RSRC1: variants seen among roughly 807,000 people sequenced by gnomAD.
The protein encoded by RSRC1 is arginine and serine rich coiled-coil 1.
RSRC1 carries 39 observed loss-of-function variants against 49.1 expected under a neutral mutation model. That is an observed-to-expected ratio of 0.79 (90% CI 0.61 to 1.04). RSRC1 has a LOEUF of 1.04. Among genes scored for constraint, RSRC1 ranks in the 50% least tolerant of loss-of-function variants. The pLI, the probability that RSRC1 is intolerant of heterozygous loss-of-function variation, is 0.00. For missense variants in RSRC1, 388 were observed against 402.4 expected (o/e 0.96, Z 0.31); for synonymous variants, 143 against 130.8 (o/e 1.09, Z -0.63).
rs747934949 is a variant in RSRC1 at position 158,460,994 on chromosome 3, A to G, written c.643A>G (p.Lys215Glu). 37 of 1,600,136 alleles carry G rather than the reference A, an allele frequency of 2.3e-5. No individual in the cohort carries two copies. The highest frequency in any genetic ancestry group is 3.2e-5 in the Non-Finnish European group (37 of 1,171,148). The change falls in exon 7 of 10, where the codon AAG becomes GAG. Residue 215 changes from lysine (K) to glutamate (E), a missense_variant. Transcript: ENST00000611884. ...AAATGAGGAAGAAGCAAAGAGAAGAAAGGAGGAAGGTAAAGGCATGTGTTC... is the reference window on the plus strand; with the variant it reads ...AAATGAGGAAGAAGCAAAGAGAAGAGAGGAGGAAGGTAAAGGCATGTGTTC... ...ERNEEEAKRR[K>E]EEDQATLVEQ...
chr3:158,373,329 G>C (rs1034911061), intron 6 of RSRC1, among the ~76,000 whole-genome samples: 2 of 151,848 alleles, frequency 1.3e-5, no homozygotes, highest in Non-Finnish European at 3.0e-5. Flanking sequence ...AAAACATTCA[G>C]TCTTTCACCA....
intron 3 of RSRC1, among the ~76,000 whole-genome samples, chr3:158,124,825 T>A (rs1386553625): frequency 6.6e-6 from 1 of 150,558 alleles, no homozygotes; most frequent in Non-Finnish European, 1.5e-5. Flanking sequence ...TCTTTCTTTT[T>A]TTTTTTTTTT....
At position 158,263,400 on chromosome 3, in the gene RSRC1, T is replaced by C. The variant is rs767469365; in HGVS notation, c.495-34639T>C. Among the ~76,000 whole-genome samples, 96 of 152,190 alleles carry C rather than the reference T, an allele frequency of 6.3e-4. 2 individuals carry two copies. The highest frequency in any genetic ancestry group is 1.0e-3 in the Admixed American group (16 of 15,280). On this transcript the variant is annotated intron_variant, in intron 4 of 9. Coordinates refer to ENST00000611884, the MANE Select transcript of RSRC1 (RefSeq NM_001271838.2). ...TACTTGGTCATGATATATTATTCTCTTTATATATTGTTGCATTTGCTTTGC... is the reference window on the plus strand; with the variant it reads ...TACTTGGTCATGATATATTATTCTCCTTATATATTGTTGCATTTGCTTTGC...
intron 4 of RSRC1, among the ~76,000 whole-genome samples, chr3:158,277,561 A>C (rs1239163955): frequency 6.6e-6 from 1 of 152,190 alleles, no homozygotes; most frequent in Non-Finnish European, 1.5e-5. Flanking sequence ...ATACTGCTGG[A>C]AGTGTAATTT....
intron 3 of RSRC1, among the ~76,000 whole-genome samples, chr3:158,166,394 A>G (rs1718540951): frequency 6.6e-6 from 1 of 152,102 alleles, no homozygotes; most frequent in East Asian, 1.9e-4. Flanking sequence ...AATCATAACC[A>G]TGTGTGGGAG....
intron 3 of RSRC1, among the ~76,000 whole-genome samples, chr3:158,178,667 GA>G (rs1220818350): frequency 1.3e-5 from 2 of 151,990 alleles, no homozygotes; most frequent in Non-Finnish European, 2.9e-5. Context: ...ATTCTAAGTT[GA>G]ACTTTTCTAG....
At chr3:158,136,531 T>C (rs1578121830) in intron 3 of RSRC1, among the ~76,000 whole-genome samples, 1 of 149,602 alleles carries the variant, frequency 6.7e-6, no homozygotes, top group African/African-American at 2.6e-5. Flanking sequence ...ATCTGATTAA[T>C]AGCTTTCAGA....
chr3:158,424,816 A>G (rs1015924063), intron 6 of RSRC1, among the ~76,000 whole-genome samples: 2 of 152,074 alleles, frequency 1.3e-5, no homozygotes, highest in South Asian at 2.1e-4. Context: ...GGGAGAGTGT[A>G]TGTGTCAAGG....
intron 7 of RSRC1, among the ~76,000 whole-genome samples, chr3:158,492,007 G>C (rs1367843384): frequency 1.3e-5 from 2 of 152,092 alleles, no homozygotes; most frequent in Non-Finnish European, 2.9e-5. Flanking sequence ...AAAGAAAAAA[G>C]GTTTAATTGA....
intron 3 of RSRC1, among the ~76,000 whole-genome samples, chr3:158,198,422 T>G (rs1002294946): frequency 6.6e-6 from 1 of 152,168 alleles, no homozygotes; most frequent in Admixed American, 6.6e-5. Context: ...TACAGCACCC[T>G]GATGGGTCTG....
At chr3:158,514,573 C>G (rs967703002) in intron 7 of RSRC1, among the ~76,000 whole-genome samples, 7 of 151,908 alleles carry the variant, frequency 4.6e-5, no homozygotes, top group Non-Finnish European at 1.0e-4. Flanking sequence ...TGGTGTGGTG[C>G]TGAAAAAAAT....
intron 7 of RSRC1, among the ~76,000 whole-genome samples, chr3:158,482,560 C>T (rs1047012778): frequency 1.3e-5 from 2 of 151,982 alleles, no homozygotes; most frequent in Non-Finnish European, 2.9e-5. Context: ...GACAAGAAGA[C>T]TTCTTAAAGT....
intron 6 of RSRC1, among the ~76,000 whole-genome samples, chr3:158,390,048 A>C (rs1578418181): frequency 6.6e-6 from 1 of 152,196 alleles, no homozygotes; most frequent in South Asian, 2.1e-4. Flanking sequence ...TTTGAGTAGC[A>C]ATCTTACTGT....
intron 3 of RSRC1, among the ~76,000 whole-genome samples, chr3:158,133,370 T>C (rs918466410): frequency 1.3e-5 from 2 of 152,192 alleles, no homozygotes; most frequent in African/African-American, 2.4e-5. Flanking sequence ...TGAGGACATA[T>C]CTTAAAAGTC....
chr3:158,118,462 T>TGTGTGTGTGTGTGCAC (rs1491469875), intron 1 of RSRC1, among the ~76,000 whole-genome samples: 1 of 124,682 alleles, frequency 8.0e-6, no homozygotes, highest in Non-Finnish European at 1.6e-5. Flanking sequence ...TGTGTGTGTG[T>TGTGTGTGTGTGTGCAC]GCGCGTGCGC....
intron 6 of RSRC1, among the ~76,000 whole-genome samples, chr3:158,424,721 G>C (rs904134941): frequency 2.0e-5 from 3 of 151,956 alleles, no homozygotes; most frequent in African/African-American, 7.2e-5. Flanking sequence ...GACCCTTTTT[G>C]GTGGGTAAGC....
At chr3:158,285,079 A>G (rs1726434269) in intron 4 of RSRC1, among the ~76,000 whole-genome samples, 2 of 152,160 alleles carry the variant, frequency 1.3e-5, no homozygotes, top group African/African-American at 2.4e-5. Flanking sequence ...TATAAGGTGT[A>G]AGGAAGGGAT....
chr3:158,157,264 G>C (rs1717933078), intron 3 of RSRC1, among the ~76,000 whole-genome samples: 3 of 152,186 alleles, frequency 2.0e-5, no homozygotes, highest in Admixed American at 2.0e-4. Context: ...CATTAATAGA[G>C]AATGTTTAAC....
chr3:158,284,165 A>G (rs1726361465), intron 4 of RSRC1, among the ~76,000 whole-genome samples: 1 of 151,164 alleles, frequency 6.6e-6, no homozygotes, highest in African/African-American at 2.4e-5. Flanking sequence ...TTCTTGCGAT[A>G]GTTTACTGAG....
Sources: gnomAD v4.1 joint callset for allele counts (sites outside exome capture counted in the v4.1 genomes callset) on GRCh38, gnomAD v4.1.1 for gene constraint, MANE v1.5 for transcripts, NCBI Gene and HGNC (gene_info 2026-07-23, HGNC 2026-07-21) for gene names.